ITFG1: variants seen among roughly 807,000 people sequenced by gnomAD.
ITFG1 encodes integrin alpha FG-GAP repeat containing 1, also known as T-cell immunomodulatory protein.
In ITFG1, 34 loss-of-function variants were observed where a neutral mutation model predicts 81.8. The ratio of observed to expected loss-of-function variants is 0.42; its 90% CI spans 0.32 to 0.55. The LOEUF is 0.55. Ranked by LOEUF, ITFG1 falls within the 20% of genes least tolerant of loss-of-function variation. The pLI, the probability that ITFG1 is intolerant of heterozygous loss-of-function variation, is 0.17. For missense variants in ITFG1, 672 were observed against 755.4 expected, an observed-to-expected ratio of 0.89 and a Z score of 1.29; for synonymous variants, 285 against 270.6, an observed-to-expected ratio of 1.05 and a Z score of -0.52.
At chr16:47,238,791 A>G (rs1965902313) in intron 12 of ITFG1, among the ~76,000 whole-genome samples, 1 of 152,184 alleles carries the variant, frequency 6.6e-6, no homozygotes, top group African/African-American at 2.4e-5. Context: ...ATATATCCAG[A>G]AGAAAATGGT....
chr16:47,270,339 T>C (rs1181388646), intron 10 of ITFG1, among the ~76,000 whole-genome samples: 1 of 150,586 alleles, frequency 6.6e-6, no homozygotes. Flanking sequence ...CCAGAATATA[T>C]AAAAATCTTT....
chr16:47,258,447 G>GA (rs1208902759), intron 12 of ITFG1, among the ~76,000 whole-genome samples, 185 bp downstream of exon 12: 4 of 152,148 alleles, frequency 2.6e-5, no homozygotes, highest in South Asian at 2.1e-4. Flanking sequence ...GGGCCAGAAA[G>GA]AAAAAACAAT....
intron 2 of ITFG1, among the ~76,000 whole-genome samples, chr16:47,455,877 G>C (rs2151619980): frequency 6.8e-6 from 1 of 147,944 alleles, no homozygotes; most frequent in Middle Eastern, 3.6e-3. Context: ...ATAAAAATAA[G>C]AAACAGATAA....
intron 14 of ITFG1, among the ~76,000 whole-genome samples, chr16:47,198,003 G>A (rs1463880241): frequency 6.6e-6 from 1 of 152,064 alleles, no homozygotes; most frequent in Non-Finnish European, 1.5e-5. Context: ...CTTTTTATAG[G>A]GCTCAGAGAT....
At chr16:47,175,259 G>A (rs1261653605) in intron 14 of ITFG1, among the ~76,000 whole-genome samples, 1 of 151,764 alleles carries the variant, frequency 6.6e-6, no homozygotes, top group African/African-American at 2.4e-5. Context: ...ATAATTGTAT[G>A]AGGGTAGATA....
Position 47,154,842 on chromosome 16 carries a change from T to A in ITFG1, c.*877A>T, listed in dbSNP as rs1964678650. On this transcript the variant is annotated 3_prime_UTR_variant, in exon 18 of 18. Transcript: ENST00000320640. ...TTAATTCTTGGAGAGTACTATAATT[T>A]TTAGTTAATATGAGCAAGTAAATCT... is the stretch of plus-strand genomic sequence containing the variant. 1 of 152,220 alleles carries A rather than the reference T, an allele frequency of 6.6e-6. No homozygotes were observed. The highest frequency in any genetic ancestry group is 1.5e-5 in the Non-Finnish European group (1 of 68,030). 9.4% of individuals were successfully genotyped at this position (152,220 alleles called of 1,614,324 possible).
chr16:47,229,355 G>C (rs917106456), intron 13 of ITFG1, among the ~76,000 whole-genome samples: 1 of 152,128 alleles, frequency 6.6e-6, no homozygotes, highest in Non-Finnish European at 1.5e-5. Flanking sequence ...TACAGAGGCA[G>C]GTGCAGGAAC....
At chr16:47,274,152 G>A (rs959211695) in intron 10 of ITFG1, among the ~76,000 whole-genome samples, 1 of 152,072 alleles carries the variant, frequency 6.6e-6, no homozygotes, top group Non-Finnish European at 1.5e-5. Flanking sequence ...AACTACTCGG[G>A]AGGCTGAGGC....
intron 6 of ITFG1, among the ~76,000 whole-genome samples, chr16:47,391,392 T>A (rs1045441858): frequency 6.6e-6 from 1 of 152,188 alleles, no homozygotes; most frequent in Admixed American, 6.5e-5. Flanking sequence ...TACTTTCTTC[T>A]ATGAGACATT....
At chr16:47,281,966 G>A (rs1390550918) in intron 10 of ITFG1, among the ~76,000 whole-genome samples, 1 of 151,914 alleles carries the variant, frequency 6.6e-6, no homozygotes, top group Admixed American at 6.6e-5. Context: ...AGTATATACT[G>A]TACTCATTAA....
At position 47,399,529 on chromosome 16, in the gene ITFG1, C is replaced by T. The variant is rs566237955; in HGVS notation, c.656-23589G>A. On this transcript the variant is annotated intron_variant, in intron 6 of 17. Transcript: ENST00000320640. ...CAGAGCTTGCAGTGAGCTGAGATCA[C>T]GCCGCTGCACTCCAGCCTGGGCAAG... 5.3e-5 allele frequency among the ~76,000 whole-genome samples: 8 copies of T among 151,772 alleles called. No homozygotes were observed. In the South Asian group the frequency reaches 1.0e-3, roughly 20 times the overall value.
chr16:47,347,576 C>T (rs1967876510), intron 8 of ITFG1, among the ~76,000 whole-genome samples: 1 of 152,176 alleles, frequency 6.6e-6, no homozygotes, highest in Non-Finnish European at 1.5e-5. Flanking sequence ...CCCACCACAG[C>T]TCAAGGAGGC....
chr16:47,212,118 G>C (rs561129709), intron 14 of ITFG1, among the ~76,000 whole-genome samples: 1 of 152,064 alleles, frequency 6.6e-6, no homozygotes, highest in Admixed American at 6.5e-5. Context: ...CAGGGATTTT[G>C]TACTGTCTTT....
At chr16:47,402,430 C>G (rs1024595909) in intron 6 of ITFG1, among the ~76,000 whole-genome samples, 1 of 152,192 alleles carries the variant, frequency 6.6e-6, no homozygotes. Context: ...ATTATCCCCA[C>G]TTTTACAAAT....
chr16:47,237,912 C>T (rs1965894190), intron 13 of ITFG1, 53 bp downstream of exon 13: 1 of 785,822 alleles, frequency 1.3e-6, no homozygotes, highest in Admixed American at 2.5e-5. Context: ...TGTGTGTCTA[C>T]TTATACATAG....
chr16:47,432,182 ATTC>A (rs1969104083), intron 5 of ITFG1, among the ~76,000 whole-genome samples: 1 of 152,214 alleles, frequency 6.6e-6, no homozygotes, highest in African/African-American at 2.4e-5. Context: ...AGCATTTCCT[ATTC>A]TTCTCTACTG....
chr16:47,421,729 G>C (rs1278864038), intron 6 of ITFG1, among the ~76,000 whole-genome samples: 2 of 152,122 alleles, frequency 1.3e-5, no homozygotes, highest in African/African-American at 4.8e-5. Context: ...TGCACAACGT[G>C]CAGGTTTGTT....
At chr16:47,441,614 T>G (rs540319613) in intron 5 of ITFG1, among the ~76,000 whole-genome samples, 1 of 152,236 alleles carries the variant, frequency 6.6e-6, no homozygotes, top group Admixed American at 6.5e-5. Flanking sequence ...AAAAGGCCTT[T>G]GATAAAATTC....
At chr16:47,273,247 C>T (rs1193479123) in intron 10 of ITFG1, among the ~76,000 whole-genome samples, 2 of 151,858 alleles carry the variant, frequency 1.3e-5, no homozygotes, top group East Asian at 1.9e-4. Context: ...TGTGGGGATA[C>T]GTCTGTCTTA....
Sources: gnomAD v4.1 joint callset for allele counts (sites outside exome capture counted in the v4.1 genomes callset) on GRCh38, gnomAD v4.1.1 for gene constraint, MANE v1.5 for transcripts, NCBI Gene and HGNC (gene_info 2026-07-23, HGNC 2026-07-21) for gene names.